The following CDK7 variants were observed in gnomAD, a reference collection of about 807,000 sequenced individuals.
CDK7 encodes cyclin-dependent kinase 7.
CDK7 carries 25 observed loss-of-function variants against 49.1 expected under a neutral mutation model. The ratio of observed to expected loss-of-function variants is 0.51; its 90% CI spans 0.37 to 0.71. The LOEUF is 0.71. Among genes scored for constraint, CDK7 ranks in the 30% least tolerant of loss-of-function variants. CDK7 has a pLI of 0.00. For missense variants in CDK7, 316 were observed against 411.7 expected (o/e 0.77, Z 2.01); for synonymous variants, 107 against 140.0 (o/e 0.76, Z 1.67).
chr5:69,273,432 G>A (rs12656423), intron 10 of CDK7, among the ~76,000 whole-genome samples: 25,112 of 152,114 alleles, frequency 0.17, 3,471 homozygotes, highest in African/African-American at 0.37. Context: ...AAAGTAGTTT[G>A]TTCGGCTTAT....
intron 2 of CDK7, among the ~76,000 whole-genome samples, chr5:69,241,537 G>A (rs982395105): frequency 6.6e-6 from 1 of 151,714 alleles, no homozygotes; most frequent in South Asian, 2.1e-4. Context: ...TGTTGGCCAG[G>A]CTGGTCTCGA....
chr5:69,245,375 G>A (rs1210465157), intron 2 of CDK7, among the ~76,000 whole-genome samples: 5 of 138,450 alleles, frequency 3.6e-5, no homozygotes, highest in Admixed American at 2.3e-4. Context: ...TCGCTCTATC[G>A]CCTACCCAGG....
rs113019904 is a variant in CDK7 at position 69,238,545 on chromosome 5, C to A, written c.126+3092C>A. ...CAAGTGAACCTTCCACCTTAGCCTC[C>A]CAAAGTGCTGAGATTACAGGTGTGA... On this transcript the variant is annotated intron_variant, in intron 2 of 11. Coordinates refer to ENST00000256443, the MANE Select transcript of CDK7 (RefSeq NM_001799.4). Among the ~76,000 whole-genome samples, 26 of 152,124 alleles carry A rather than the reference C, an allele frequency of 1.7e-4. 2 individuals are homozygous for A. Among genetic ancestry groups the A allele is most frequent in the African/African-American group, 5.3e-4 (22 of 41,512 alleles).
At chr5:69,273,908 G>C (rs552866415) in intron 10 of CDK7, among the ~76,000 whole-genome samples, 2 of 152,264 alleles carry the variant, frequency 1.3e-5, no homozygotes, top group South Asian at 4.1e-4. Flanking sequence ...TGGAAGGATA[G>C]ATAGATATAG....
At chr5:69,275,472 A>G (rs1752021483) in intron 10 of CDK7, among the ~76,000 whole-genome samples, 2 of 152,316 alleles carry the variant, frequency 1.3e-5, no homozygotes, top group East Asian at 3.9e-4. Context: ...GAGAATGGAA[A>G]TGTACAATAT....
chr5:69,235,352 A>C, intron 1 of CDK7, 42 bp from the exon 2 acceptor site: 1 of 1,436,894 alleles, frequency 7.0e-7, no homozygotes, highest in South Asian at 1.2e-5. Context: ...GGCAAACACA[A>C]AAACTCCCAT....
chr5:69,241,729 A>G (rs1410015871), intron 2 of CDK7, among the ~76,000 whole-genome samples: 6 of 152,080 alleles, frequency 3.9e-5, no homozygotes, highest in African/African-American at 1.4e-4. Context: ...ACCTACTCAG[A>G]TCTTTCGCCC....
At chr5:69,235,769 A>G (rs994261934) in intron 2 of CDK7, among the ~76,000 whole-genome samples, 3 of 152,228 alleles carry the variant, frequency 2.0e-5, no homozygotes, top group African/African-American at 7.2e-5. Context: ...GTCACTGTTT[A>G]TACCTCACCT....
At chr5:69,236,354 C>T (rs1748974548) in intron 2 of CDK7, among the ~76,000 whole-genome samples, 1 of 151,970 alleles carries the variant, frequency 6.6e-6, no homozygotes, top group South Asian at 2.1e-4. Flanking sequence ...CTATTTTATA[C>T]TTGAGGTACC....
At chr5:69,262,492 A>C (rs1471020034) in intron 8 of CDK7, among the ~76,000 whole-genome samples, 188 bp downstream of exon 8, 1 of 152,012 alleles carries the variant, frequency 6.6e-6, no homozygotes, top group East Asian at 1.9e-4. Context: ...AACATGGTGA[A>C]ACCCCATCTC....
intron 2 of CDK7, among the ~76,000 whole-genome samples, chr5:69,247,498 AT>A (rs1749831634): frequency 6.8e-6 from 1 of 146,450 alleles, no homozygotes; most frequent in South Asian, 2.1e-4. Flanking sequence ...TAGGCAACAG[AT>A]CTTTGGGGCT....
rs1197021361 is a variant in CDK7, at chr5:69,261,656, A to C, written c.528-549A>C. 3.3e-5 allele frequency among the ~76,000 whole-genome samples: 5 copies of C among 151,874 alleles called. No individual in the cohort carries two copies. The South Asian group carries it at 1.0e-3, about 32-fold the overall frequency. On this transcript the variant is annotated intron_variant, in intron 7 of 11. Coordinates refer to ENST00000256443, the MANE Select transcript of CDK7 (RefSeq NM_001799.4). ...AGCAATTCTCCTGCCTCAGCCTCCC[A>C]AGTAGCTGGGATTACAGGCGCCCAC...
intron 10 of CDK7, among the ~76,000 whole-genome samples, chr5:69,275,721 C>G (rs1049706598): frequency 6.6e-6 from 1 of 152,116 alleles, no homozygotes; most frequent in Non-Finnish European, 1.5e-5. Context: ...CGCCTGTAAT[C>G]CTAGCTCTTA....
At chr5:69,248,668 G>A (rs533236956) in intron 2 of CDK7, among the ~76,000 whole-genome samples, 31 of 152,178 alleles carry the variant, frequency 2.0e-4, no homozygotes, top group African/African-American at 7.5e-4. Context: ...AATTACAGGT[G>A]TGAGCCACAG....
At chr5:69,254,099 CA>C (rs935100551) in intron 3 of CDK7, among the ~76,000 whole-genome samples, 2 of 151,216 alleles carry the variant, frequency 1.3e-5, no homozygotes, top group Non-Finnish European at 2.9e-5. Context: ...AACCCCATCT[CA>C]AAAAAAATAA....
intron 2 of CDK7, among the ~76,000 whole-genome samples, chr5:69,237,146 G>A (rs749553740): frequency 5.3e-5 from 8 of 151,778 alleles, no homozygotes; most frequent in Non-Finnish European, 1.2e-4. Flanking sequence ...AGGTGGAAGG[G>A]TTAGAGTGCA....
At chr5:69,262,587 T>C (rs1750900173) in intron 8 of CDK7, among the ~76,000 whole-genome samples, 1 of 150,196 alleles carries the variant, frequency 6.7e-6, no homozygotes, top group African/African-American at 2.5e-5. Flanking sequence ...GAGAATCGCT[T>C]GAACCTGGGA....
chr5:69,236,258 A>AT (rs1341997375), intron 2 of CDK7, among the ~76,000 whole-genome samples: 2 of 149,538 alleles, frequency 1.3e-5, no homozygotes, highest in Non-Finnish European at 3.0e-5. Flanking sequence ...AAAAAAAAAG[A>AT]TTTGGGTCAT....
intron 2 of CDK7, among the ~76,000 whole-genome samples, chr5:69,238,639 T>G (rs948660216): frequency 3.7e-4 from 56 of 150,828 alleles, no homozygotes; most frequent in Admixed American, 1.4e-3. Context: ...CTTCTGCAAC[T>G]TGTTATTCTT....
Sources: gnomAD v4.1 joint callset for allele counts (sites outside exome capture counted in the v4.1 genomes callset) on GRCh38, gnomAD v4.1.1 for gene constraint, MANE v1.5 for transcripts, NCBI Gene and HGNC (gene_info 2026-07-23, HGNC 2026-07-21) for gene names.